TRIM58: variants seen among roughly 807,000 people sequenced by gnomAD.
TRIM58 encodes E3 ubiquitin-protein ligase TRIM58.
Under a neutral mutation model 34.1 loss-of-function variants are expected in TRIM58, and 38 were observed. That is an observed-to-expected ratio of 1.12 (90% CI 0.86 to 1.46). The LOEUF (loss-of-function observed/expected upper bound fraction) is 1.46. TRIM58 is among the 40% of genes most tolerant of loss of function. TRIM58 has a pLI of 0.00. For synonymous variants in TRIM58, 273 were observed against 275.7 expected, an observed-to-expected ratio of 0.99 and a Z score of 0.10; for missense variants, 677 against 642.0, an observed-to-expected ratio of 1.05 and a Z score of -0.59.
chr1:247,876,086 GAGA>G lies in TRIM58; in HGVS notation c.1061_1063del (p.Glu354del), dbSNP rs759976632. On this transcript the variant is annotated inframe_deletion, in exon 6 of 6. Coordinates refer to ENST00000366481, the MANE Select transcript of TRIM58 (RefSeq NM_015431.4). ...AGGCATTACTGGGAGGTTCTGGTGG[GAGA>G]AGGAGCAGAGTGGGGTTTAGGGGTC... is the stretch of plus-strand genomic sequence containing the variant. The G allele has an allele frequency of 6.2e-7, 1 of 1,614,176 alleles. No individual in the cohort carries two copies. The highest frequency in any genetic ancestry group is 1.1e-5 in the South Asian group (1 of 91,078).
rs768383569 is a variant in TRIM58 at position 247,876,999 on chromosome 1, A to G, written c.*510A>G. 3 of 155,024 alleles carry G rather than the reference A, an allele frequency of 1.9e-5. No homozygotes were observed. Among genetic ancestry groups the G allele is most frequent in the Non-Finnish European group, 2.8e-5 (2 of 70,330 alleles). 9.6% of individuals were successfully genotyped at this position (155,024 alleles called of 1,614,324 possible). On this transcript the variant is annotated 3_prime_UTR_variant, in exon 6 of 6. Coordinates refer to ENST00000366481, the MANE Select transcript of TRIM58 (RefSeq NM_015431.4). ...TGTCACTCTCTCTCTCTTGTTCCTT[A>G]TTTTTTGTTTCTTACCTCTTACTGT...
intron 5 of TRIM58, among the ~76,000 whole-genome samples, chr1:247,868,800 C>T (rs61855705): frequency 0.19 from 29,318 of 152,118 alleles, 3,014 homozygotes; most frequent in African/African-American, 0.24. Flanking sequence ...ATTCTTAGGG[C>T]GAGGTTTGTG....
At chr1:247,857,755 T>A (rs1435434230) in intron 1 of TRIM58, 89 bp downstream of exon 1, 2 of 1,193,508 alleles carry the variant, frequency 1.7e-6, no homozygotes, top group African/African-American at 3.2e-5. Context: ...GCCACCCGTC[T>A]CCTGAGCGGC....
In TRIM58 at chr1:247,879,916, C is replaced by T. The variant is rs148477504; in HGVS notation, c.*3427C>T. ...CCAGGCTCAGTGGAGGCTCTTTGTTCCCCATACAGTACGTGTCGTCGTACT... is the reference window on the plus strand; with the variant it reads ...CCAGGCTCAGTGGAGGCTCTTTGTTTCCCATACAGTACGTGTCGTCGTACT... On this transcript the variant is annotated 3_prime_UTR_variant, in exon 6 of 6. Coordinates refer to ENST00000366481, the MANE Select transcript of TRIM58 (RefSeq NM_015431.4). Among the ~76,000 whole-genome samples the T allele has an allele frequency of 3.0e-3, 457 of 152,030 alleles. 1 individual carries two copies. The highest frequency in any genetic ancestry group is 9.5e-3 in the African/African-American group (393 of 41,496).
chr1:247,857,543 C>A lies in TRIM58; in HGVS notation c.297C>A (p.His99Gln). ...CCGGGGCGCGGCGATGCGCGCGGCA[C>A]GGCGAGGACCTGAGCCGCTTCTGCG... ...AGPGARRCAR[H>Q]GEDLSRFCEE... is the part of the protein sequence containing the mutation. Residue 99 changes from histidine to glutamine, a missense_variant, in exon 1 of 6, where the codon CAC becomes CAA. Physicochemically the swap from His to Gln is conservative, Grantham distance 24. Transcript: ENST00000366481. The A allele has an allele frequency of 7.8e-7, 1 of 1,279,060 alleles. No homozygotes were observed. Among genetic ancestry groups the A allele is most frequent in the African/African-American group, 1.5e-5 (1 of 64,534 alleles). 79.2% of individuals were successfully genotyped at this position (1,279,060 alleles called of 1,614,324 possible). A position where few individuals can be genotyped will look rare whatever the true frequency, so the allele number is the denominator to read the frequency against.
At position 247,857,581 on chromosome 1, in the gene TRIM58, C is replaced by A; in HGVS notation, c.335C>A (p.Ala112Glu). Reference protein sequence around the residue: ...DLSRFCEEDEAALCWVCDAGP... With the variant: ...DLSRFCEEDEEALCWVCDAGP... ...AGCCGCTTCTGCGAGGAGGACGAGG[C>A]GGCGCTGTGCTGGGTGTGCGACGCC... is the stretch of plus-strand genomic sequence containing the variant. The change falls in exon 1 of 6, where the codon GCG (alanine) becomes GAG (glutamate). Residue 112 changes from alanine (A) to glutamate (E), a missense_variant. Ala to Glu is a moderately radical substitution (Grantham distance 107). Transcript: ENST00000366481. The A allele has an allele frequency of 7.9e-7, 1 of 1,263,458 alleles. No homozygotes were observed. Among genetic ancestry groups the A allele is most frequent in the Non-Finnish European group, 9.9e-7 (1 of 1,008,380 alleles). 78.3% of individuals were successfully genotyped at this position (1,263,458 alleles called of 1,614,324 possible). A position where few individuals can be genotyped will look rare whatever the true frequency, so the allele number is the denominator to read the frequency against.
intron 2 of TRIM58, among the ~76,000 whole-genome samples, chr1:247,862,020 C>T (rs944574418): frequency 3.9e-5 from 6 of 152,154 alleles, no homozygotes; most frequent in African/African-American, 9.6e-5. Context: ...CCCAGCTACT[C>T]GGGAGGCTGA....
intron 5 of TRIM58, among the ~76,000 whole-genome samples, chr1:247,873,235 A>G (rs1361237365): frequency 6.6e-6 from 1 of 152,148 alleles, no homozygotes; most frequent in African/African-American, 2.4e-5. Context: ...CATCTTAAAA[A>G]AAAGACAAAC....
chr1:247,877,772 A>G lies in TRIM58; in HGVS notation c.*1283A>G, dbSNP rs1452587971. 1.3e-5 allele frequency: 2 copies of G among 152,166 alleles called. No individual in the cohort carries two copies. The highest frequency in any genetic ancestry group is 6.5e-5 in the Admixed American group (1 of 15,280). The allele number at this position is 152,166 out of a possible 1,614,324, so 9.4% of individuals were successfully genotyped here. On this transcript the variant is annotated 3_prime_UTR_variant, in exon 6 of 6. Coordinates refer to ENST00000366481, the MANE Select transcript of TRIM58 (RefSeq NM_015431.4). ...GATGATGAAATCATGATAATATTTA[A>G]CTTATTTTTAAAGTATATTCTGTAC...
In TRIM58 at chr1:247,879,577, G is replaced by T. The variant is rs1659363784; in HGVS notation, c.*3088G>T. ...CACAGTGAATCCCCAGGCCCTAGAG[G>T]ATGTGAACCCCCAGGCCCTAGAGGA... On this transcript the variant is annotated 3_prime_UTR_variant, in exon 6 of 6. Coordinates refer to ENST00000366481, the MANE Select transcript of TRIM58 (RefSeq NM_015431.4). 6.6e-6 allele frequency among the ~76,000 whole-genome samples: 1 copy of T among 151,740 alleles called. No individual in the cohort carries two copies. Among genetic ancestry groups the T allele is most frequent in the Admixed American group, 6.6e-5 (1 of 15,210 alleles).
intron 5 of TRIM58, 66 bp from the exon 6 acceptor site, chr1:247,875,834 G>C (rs772323150): frequency 2.1e-6 from 3 of 1,397,962 alleles, no homozygotes; most frequent in Admixed American, 2.2e-5. Context: ...ATTCTTTTCA[G>C]TGGTTTCCTA....
At chr1:247,871,362 A>G (rs1659118465) in intron 5 of TRIM58, among the ~76,000 whole-genome samples, 1 of 152,226 alleles carries the variant, frequency 6.6e-6, no homozygotes, top group South Asian at 2.1e-4. Flanking sequence ...AAATATTGTC[A>G]GTTATTTTCA....
chr1:247,862,253 G>A (rs1028629338), intron 2 of TRIM58, among the ~76,000 whole-genome samples: 1 of 152,076 alleles, frequency 6.6e-6, no homozygotes, highest in Non-Finnish European at 1.5e-5. Flanking sequence ...AGTACCTAAC[G>A]TTACTCAGAT....
chr1:247,858,657 G>A (rs1210473188), intron 1 of TRIM58, among the ~76,000 whole-genome samples: 1 of 151,136 alleles, frequency 6.6e-6, no homozygotes, highest in Non-Finnish European at 1.5e-5. Flanking sequence ...TGTCATTTGC[G>A]AGATGTAGGT....
chr1:247,859,767 C>T (rs61855702), intron 1 of TRIM58, among the ~76,000 whole-genome samples: 43,970 of 151,396 alleles, frequency 0.29, 6,526 homozygotes, highest in African/African-American at 0.33. Context: ...ATACAGAATA[C>T]AGTTATATAG....
chr1:247,863,022 T>G (rs961345097), intron 2 of TRIM58, among the ~76,000 whole-genome samples: 2 of 152,186 alleles, frequency 1.3e-5, no homozygotes, highest in Non-Finnish European at 2.9e-5. Context: ...TGAAGAGAGC[T>G]TCTCATATTT....
At chr1:247,860,556 A>G (rs1271273006) in intron 1 of TRIM58, 61 bp from the exon 2 acceptor site, 13 of 1,195,734 alleles carry the variant, frequency 1.1e-5, no homozygotes, top group African/African-American at 1.5e-5. Flanking sequence ...TTCCTCACAC[A>G]TCTGTGTGAC....
rs1419612531 is a variant in TRIM58 at position 247,876,030 on chromosome 1, C to A, written c.1002C>A (p.Cys334Ter). Residue 334 changes from cysteine to a stop codon, truncating the protein, a stop_gained, in exon 6 of 6, where the codon TGC becomes TGA. Transcript: ENST00000366481. LOFTEE classifies it low-confidence loss of function (END_TRUNC). ...NNPERFDTWP[C>*]ILGLQSFSSG... ...CTGAGCGATTTGACACATGGCCCTG[C>A]ATCCTGGGTTTGCAGAGCTTCTCAT... 2 of 1,614,092 alleles carry A rather than the reference C, an allele frequency of 1.2e-6. No individual in the cohort carries two copies. The highest frequency in any genetic ancestry group is 1.7e-6 in the Non-Finnish European group (2 of 1,180,038).
chr1:247,867,698 A>G (rs1572574677), intron 3 of TRIM58, 147 bp from the exon 4 acceptor site: 2 of 995,392 alleles, frequency 2.0e-6, no homozygotes, highest in African/African-American at 1.6e-5. Flanking sequence ...CTCAAAAAAA[A>G]AATAGAAAAG....
Sources: allele counts gnomAD v4.1 joint callset (sites outside exome capture counted in the v4.1 genomes callset), GRCh38; gene constraint gnomAD v4.1.1; transcripts MANE v1.5; gene names NCBI Gene and HGNC (gene_info 2026-07-23, HGNC 2026-07-21).